Variants in EDIL3 observed in about 807,000 individuals in gnomAD.
The protein encoded by EDIL3 is EGF like and discoidin domains 3.
Under a neutral mutation model 67.4 loss-of-function variants are expected in EDIL3, and 37 were observed. The observed-to-expected ratio is 0.55, with a 90% CI of 0.42 to 0.72. The LOEUF is 0.72. Among genes scored for constraint, EDIL3 ranks in the 30% least tolerant of loss-of-function variants. The probability of loss-of-function intolerance (pLI) is 0.00; values close to 1 mark genes in which losing one functional copy is unlikely to be tolerated. For synonymous variants in EDIL3, 195 were observed against 196.3 expected (o/e 0.99, Z 0.05); for missense variants, 527 against 586.3 (o/e 0.90, Z 1.04).
chr5:84,252,089 G>A (rs1172280946), intron 2 of EDIL3, among the ~76,000 whole-genome samples: 2 of 152,178 alleles, frequency 1.3e-5, no homozygotes, highest in African/African-American at 2.4e-5. Context: ...ATATGGCAGC[G>A]TGCTTAGTTT....
intron 1 of EDIL3, among the ~76,000 whole-genome samples, chr5:84,300,170 T>G (rs965737621): frequency 1.3e-5 from 2 of 152,248 alleles, no homozygotes; most frequent in Non-Finnish European, 2.9e-5. Context: ...ATGTGTTTTA[T>G]TGCCTTTCCA....
intron 9 of EDIL3, among the ~76,000 whole-genome samples, chr5:83,998,602 CA>C (rs1418316751): frequency 6.6e-6 from 1 of 152,156 alleles, no homozygotes; most frequent in Non-Finnish European, 1.5e-5. Context: ...GATACCTGCT[CA>C]GGCACTGTAA....
chr5:83,992,747 T>C (rs2112160928), intron 9 of EDIL3, among the ~76,000 whole-genome samples: 1 of 152,214 alleles, frequency 6.6e-6, no homozygotes, highest in South Asian at 2.1e-4. Flanking sequence ...ACATTTTATG[T>C]AAATCTATTA....
chr5:83,969,084 A>G (rs1580257674), intron 9 of EDIL3, among the ~76,000 whole-genome samples: 2 of 151,852 alleles, frequency 1.3e-5, no homozygotes, highest in East Asian at 3.9e-4. Context: ...CTTTTCATCC[A>G]TATTTGCAGG....
intron 4 of EDIL3, among the ~76,000 whole-genome samples, chr5:84,159,210 A>G (rs1168047601): frequency 6.6e-6 from 1 of 152,078 alleles, no homozygotes; most frequent in Admixed American, 6.6e-5. Context: ...ATATCTATCT[A>G]TTATAAATAA....
intron 3 of EDIL3, among the ~76,000 whole-genome samples, chr5:84,209,063 A>C (rs1744055513): frequency 6.6e-6 from 1 of 152,312 alleles, no homozygotes; most frequent in African/African-American, 2.4e-5. Context: ...TGATGAGCTC[A>C]TGTCCTTTGT....
At chr5:84,174,508 TTCTAAG>T (rs767515974) in intron 4 of EDIL3, among the ~76,000 whole-genome samples, 26 of 152,166 alleles carry the variant, frequency 1.7e-4, no homozygotes, top group Non-Finnish European at 2.9e-4. Flanking sequence ...ATATGCTGGT[TTCTAAG>T]TCTTTTTCCA....
chr5:84,100,330 T>C (rs1256297446), intron 6 of EDIL3, among the ~76,000 whole-genome samples: 1 of 152,104 alleles, frequency 6.6e-6, no homozygotes, highest in Non-Finnish European at 1.5e-5. Flanking sequence ...CCAACCCAAA[T>C]GCCCATCAAT....
chr5:84,222,364 C>T (rs1445769466), intron 3 of EDIL3, among the ~76,000 whole-genome samples: 1 of 151,750 alleles, frequency 6.6e-6, no homozygotes, highest in Non-Finnish European at 1.5e-5. Flanking sequence ...AATGTCAAAG[C>T]TAGTAATGTA....
At chr5:83,992,407 A>G (rs547526547) in intron 9 of EDIL3, among the ~76,000 whole-genome samples, 1 of 152,302 alleles carries the variant, frequency 6.6e-6, no homozygotes, top group East Asian at 1.9e-4. Flanking sequence ...CTAAAACTAA[A>G]TACTCCCTTA....
At chr5:84,152,635 T>C (rs181115845) in intron 4 of EDIL3, among the ~76,000 whole-genome samples, 1 of 152,200 alleles carries the variant, frequency 6.6e-6, no homozygotes. Context: ...GTTGTTTAAT[T>C]TGGCCCTTAG....
chr5:84,383,623 G>T (rs1748140882), intron 1 of EDIL3, among the ~76,000 whole-genome samples: 2 of 152,186 alleles, frequency 1.3e-5, no homozygotes, highest in Admixed American at 6.5e-5. Flanking sequence ...GGTACTCGGA[G>T]GGGGTGCGCA....
chr5:84,292,115 G>A (rs886172729), intron 1 of EDIL3, among the ~76,000 whole-genome samples: 5 of 151,828 alleles, frequency 3.3e-5, no homozygotes, highest in Admixed American at 1.3e-4. Context: ...TACAAATTCA[G>A]TGAAAGTAAA....
At chr5:84,145,225 A>T (rs1272955601) in intron 4 of EDIL3, among the ~76,000 whole-genome samples, 1 of 152,144 alleles carries the variant, frequency 6.6e-6, no homozygotes, top group Non-Finnish European at 1.5e-5. Context: ...GAGATATGGA[A>T]GATTGCTTGC....
At chr5:84,033,452 G>A (rs1745963346) in intron 9 of EDIL3, among the ~76,000 whole-genome samples, 2 of 152,124 alleles carry the variant, frequency 1.3e-5, no homozygotes, top group South Asian at 2.1e-4. Flanking sequence ...GCTCATGCCT[G>A]TAATCCCAGC....
chr5:84,367,558 G>T (rs971031327), intron 1 of EDIL3, among the ~76,000 whole-genome samples: 1 of 152,134 alleles, frequency 6.6e-6, no homozygotes, highest in African/African-American at 2.4e-5. Flanking sequence ...GAGGCAGGAG[G>T]ATCACTTATG....
chr5:84,072,694 C>G (rs1746761379), intron 6 of EDIL3, among the ~76,000 whole-genome samples: 1 of 152,096 alleles, frequency 6.6e-6, no homozygotes. Context: ...TAATAAAACA[C>G]AAATTCAAAC....
intron 1 of EDIL3, among the ~76,000 whole-genome samples, chr5:84,352,967 C>T (rs1747393405): frequency 6.6e-6 from 1 of 152,070 alleles, no homozygotes; most frequent in South Asian, 2.1e-4. Flanking sequence ...GGGGCAGGAA[C>T]AGCAGGTTTT....
intron 9 of EDIL3, among the ~76,000 whole-genome samples, chr5:83,966,216 A>G (rs1239787045): frequency 6.6e-6 from 1 of 152,102 alleles, no homozygotes; most frequent in Non-Finnish European, 1.5e-5. Context: ...TAGGGCACTG[A>G]GCTGGCTCAT....
Sources: gnomAD v4.1 joint callset for allele counts (sites outside exome capture counted in the v4.1 genomes callset) on GRCh38, gnomAD v4.1.1 for gene constraint, MANE v1.5 for transcripts, NCBI Gene and HGNC (gene_info 2026-07-23, HGNC 2026-07-21) for gene names.